Variants in COLEC10 observed in about 807,000 individuals in gnomAD.
COLEC10 encodes collectin-10.
A neutral mutation model predicts 28.4 loss-of-function variants in COLEC10; 22 were observed. That is an observed-to-expected ratio of 0.78 (90% CI 0.55 to 1.11). The LOEUF is 1.11. COLEC10 is among the 50% of genes least tolerant of loss of function. COLEC10 has a pLI of 0.00. For synonymous variants in COLEC10, 125 were observed against 116.1 expected, an observed-to-expected ratio of 1.08 and a Z score of -0.49; for missense variants, 361 against 344.1, an observed-to-expected ratio of 1.05 and a Z score of -0.39.
At chr8:119,023,365 C>T (rs1312815082) in intron 2 of COLEC10, among the ~76,000 whole-genome samples, 1 of 151,960 alleles carries the variant, frequency 6.6e-6, no homozygotes, top group African/African-American at 2.4e-5. Context: ...TATGGTATCC[C>T]TTATACAGAT....
chr8:119,013,529 T>C (rs1813936785), intron 2 of COLEC10, among the ~76,000 whole-genome samples: 1 of 150,934 alleles, frequency 6.6e-6, no homozygotes, highest in Non-Finnish European at 1.5e-5. Context: ...ACTATATCCT[T>C]ACTGATTTTC....
intron 1 of COLEC10, among the ~76,000 whole-genome samples, chr8:119,072,810 C>T (rs1396492442): frequency 6.6e-6 from 1 of 152,176 alleles, no homozygotes; most frequent in African/African-American, 2.4e-5. Flanking sequence ...ATGAGTAAAG[C>T]CTTACAGCAC....
At chr8:119,051,918 G>A (rs566875682) in intron 2 of COLEC10, among the ~76,000 whole-genome samples, 4 of 152,136 alleles carry the variant, frequency 2.6e-5, no homozygotes, top group South Asian at 2.1e-4. Context: ...GCGATATGAG[G>A]CAAATCACTT....
chr8:118,967,341 T>C, the COLEC10 span, among the ~76,000 whole-genome samples: 6 of 152,146 alleles, frequency 3.9e-5, no homozygotes, highest in African/African-American at 1.2e-4. Flanking sequence ...AAAGTCTGCA[T>C]AGGCAGCTCT....
chr8:119,059,717 T>C (rs184296497), intron 2 of COLEC10, among the ~76,000 whole-genome samples: 43 of 152,208 alleles, frequency 2.8e-4, no homozygotes, highest in Admixed American at 2.3e-3. Flanking sequence ...CCTCATACTT[T>C]TACTGTTGTT....
intron 2 of COLEC10, among the ~76,000 whole-genome samples, chr8:119,046,870 A>T (rs2130167211): frequency 6.6e-6 from 1 of 152,314 alleles, no homozygotes; most frequent in Admixed American, 6.5e-5. Flanking sequence ...ATCATGACCC[A>T]TAAACTATCT....
At chr8:118,973,613 C>T in the COLEC10 span, among the ~76,000 whole-genome samples, 24 of 152,078 alleles carry the variant, frequency 1.6e-4, no homozygotes, top group African/African-American at 2.6e-4. Context: ...ATCACAGAAG[C>T]GACATCCCAT....
chr8:119,020,837 C>G (rs1169473827), intron 2 of COLEC10, among the ~76,000 whole-genome samples: 2 of 152,032 alleles, frequency 1.3e-5, no homozygotes, highest in Admixed American at 1.3e-4. Flanking sequence ...AAAATAACCC[C>G]TTTTATTATG....
chr8:119,105,878 C>T lies in COLEC10; in HGVS notation c.521C>T (p.Thr174Ile). 6.2e-7 allele frequency: 1 copy of T among 1,613,696 alleles called. No individual in the cohort carries two copies. The highest frequency in any genetic ancestry group is 1.1e-5 in the South Asian group (1 of 91,056). Residue 174 changes from threonine (T) to isoleucine (I), a missense_variant, in exon 6 of 6, where the codon ACC (threonine) becomes ATC (isoleucine). Physicochemically the swap from Thr to Ile is moderately conservative, Grantham distance 89 (BLOSUM62 -1). Coordinates refer to ENST00000332843, the MANE Select transcript of COLEC10 (RefSeq NM_006438.5). ...QEEKNYRESL[T>I]HCRIRGGMLA... ...GAGAAGAACTACAGGGAATCCCTAA[C>T]CCACTGCAGGATTCGGGGTGGAATG...
chr8:118,985,998 G>A, the COLEC10 span, among the ~76,000 whole-genome samples: 1 of 152,100 alleles, frequency 6.6e-6, no homozygotes, highest in African/African-American at 2.4e-5. Flanking sequence ...GAGCCAGAGT[G>A]CAGTAAACAA....
the COLEC10 span, among the ~76,000 whole-genome samples, chr8:118,958,488 T>C: frequency 6.6e-6 from 1 of 152,226 alleles, no homozygotes; most frequent in Non-Finnish European, 1.5e-5. Context: ...TTACTTGTTC[T>C]AACTCCTGTA....
chr8:119,060,736 T>C (rs1477647188), intron 2 of COLEC10, among the ~76,000 whole-genome samples: 1 of 152,120 alleles, frequency 6.6e-6, no homozygotes, highest in Non-Finnish European at 1.5e-5. Flanking sequence ...TCCCACAAAT[T>C]AGGCAAGTCA....
the COLEC10 span, among the ~76,000 whole-genome samples, chr8:118,966,401 A>C: frequency 4.6e-5 from 7 of 152,308 alleles, no homozygotes; most frequent in Middle Eastern, 3.4e-3. Flanking sequence ...CAACAACGAA[A>C]AGAATATTAC....
intron 2 of COLEC10, among the ~76,000 whole-genome samples, chr8:119,046,582 G>A (rs1814591461): frequency 6.6e-6 from 1 of 152,068 alleles, no homozygotes; most frequent in Non-Finnish European, 1.5e-5. Context: ...TTTTATGGTA[G>A]CTAACCCATC....
At chr8:118,996,030 C>G (rs1813583048) in intron 1 of COLEC10, among the ~76,000 whole-genome samples, 1 of 152,188 alleles carries the variant, frequency 6.6e-6, no homozygotes, top group South Asian at 2.1e-4. Flanking sequence ...ACCTGTTGAA[C>G]AGCACCTTCT....
At chr8:119,079,038 CA>C (rs1815313575) in intron 1 of COLEC10, among the ~76,000 whole-genome samples, 3 of 112,754 alleles carry the variant, frequency 2.7e-5, no homozygotes. Context: ...CACACACACA[CA>C]CACACCAACC....
chr8:119,080,886 A>T (rs1382319595), intron 1 of COLEC10, among the ~76,000 whole-genome samples: 1 of 152,132 alleles, frequency 6.6e-6, no homozygotes, highest in Non-Finnish European at 1.5e-5. Flanking sequence ...TATATGTAAC[A>T]TGGAGCTCAC....
At chr8:119,104,962 G>A (rs1420432743) in intron 5 of COLEC10, among the ~76,000 whole-genome samples, 1 of 152,150 alleles carries the variant, frequency 6.6e-6, no homozygotes, top group East Asian at 1.9e-4. Flanking sequence ...CATATTATGA[G>A]AGAAGGGTGA....
intron 2 of COLEC10, among the ~76,000 whole-genome samples, chr8:119,023,752 A>T (rs1025755979): frequency 6.6e-6 from 1 of 152,210 alleles, no homozygotes; most frequent in African/African-American, 2.4e-5. Flanking sequence ...TCTATTTTTC[A>T]ATCAACTTAT....
Sources: allele counts gnomAD v4.1 joint callset (sites outside exome capture counted in the v4.1 genomes callset), GRCh38; gene constraint gnomAD v4.1.1; transcripts MANE v1.5; gene names NCBI Gene and HGNC (gene_info 2026-07-23, HGNC 2026-07-21).